Variants in PALM2AKAP2 observed in about 807,000 individuals in gnomAD.
PALM2AKAP2 encodes PALM2-AKAP2 fusion protein.
Under a neutral mutation model 71.5 loss-of-function variants are expected in PALM2AKAP2, and 37 were observed. The ratio of observed to expected loss-of-function variants is 0.52; its 90% CI spans 0.40 to 0.68. PALM2AKAP2 has a LOEUF of 0.68. Ranked by LOEUF, PALM2AKAP2 falls within the 30% of genes least tolerant of loss-of-function variation. The pLI is 0.00. For synonymous variants in PALM2AKAP2, 468 were observed against 478.8 expected (o/e 0.98, Z 0.29); for missense variants, 1,224 against 1,191.8 (o/e 1.03, Z -0.40).
intron 6 of PALM2AKAP2, among the ~76,000 whole-genome samples, chr9:109,958,959 G>A (rs1831799812): frequency 6.6e-6 from 1 of 152,230 alleles, no homozygotes; most frequent in Admixed American, 6.5e-5. Flanking sequence ...GAAAATAAGA[G>A]TCTGAATCTT....
chr9:110,142,459 G>A (rs1836058951), intron 2 of PALM2AKAP2, among the ~76,000 whole-genome samples: 1 of 152,156 alleles, frequency 6.6e-6, no homozygotes, highest in Non-Finnish European at 1.5e-5. Flanking sequence ...TTTATACAGA[G>A]GTGAATAAAA....
At chr9:110,043,492 A>G (rs1314278082) in intron 7 of PALM2AKAP2, among the ~76,000 whole-genome samples, 1 of 152,128 alleles carries the variant, frequency 6.6e-6, no homozygotes, top group African/African-American at 2.4e-5. Flanking sequence ...TTACCAATTT[A>G]TTATCAATCT....
chr9:110,089,075 A>C (rs1279182843), intron 1 of PALM2AKAP2, among the ~76,000 whole-genome samples: 1 of 152,136 alleles, frequency 6.6e-6, no homozygotes, highest in Non-Finnish European at 1.5e-5. Context: ...CCTCAGTCAC[A>C]CTGGCCACAT....
At chr9:109,760,994 G>A (rs535427356) in intron 1 of PALM2AKAP2, among the ~76,000 whole-genome samples, 1 of 152,062 alleles carries the variant, frequency 6.6e-6, no homozygotes, top group African/African-American at 2.4e-5. Flanking sequence ...ACCACCTTTT[G>A]GATTGTCTGT....
chr9:109,983,662 C>T (rs918087086), intron 6 of PALM2AKAP2, among the ~76,000 whole-genome samples: 1 of 151,914 alleles, frequency 6.6e-6, no homozygotes, highest in Non-Finnish European at 1.5e-5. Flanking sequence ...GCTAGGAGTT[C>T]GAGACCAGCC....
chr9:109,865,116 T>TTTTTTTTTTTTTA (rs1829415950), intron 1 of PALM2AKAP2, among the ~76,000 whole-genome samples: 1 of 138,988 alleles, frequency 7.2e-6, no homozygotes, highest in South Asian at 2.4e-4. Context: ...TTTTTTTTTT[T>TTTTTTTTTTTTTA]GAGACAGAGT....
intron 7 of PALM2AKAP2, among the ~76,000 whole-genome samples, chr9:110,030,470 G>A (rs1039295841): frequency 6.6e-6 from 1 of 152,192 alleles, no homozygotes; most frequent in African/African-American, 2.4e-5. Flanking sequence ...GTGCGTAGGG[G>A]AGAGACAGAA....
At chr9:109,906,926 T>C (rs1013777483) in intron 3 of PALM2AKAP2, among the ~76,000 whole-genome samples, 1 of 152,208 alleles carries the variant, frequency 6.6e-6, no homozygotes, top group African/African-American at 2.4e-5. Context: ...CCTGTCACTT[T>C]CTTTCCCTCA....
At chr9:109,740,369 T>C (rs1039779121) in intron 1 of PALM2AKAP2, among the ~76,000 whole-genome samples, 3 of 152,096 alleles carry the variant, frequency 2.0e-5, no homozygotes, top group African/African-American at 7.2e-5. Flanking sequence ...GAGTGTGGTG[T>C]GGATGGTGCT....
chr9:110,060,011 A>G (rs147367541), intron 1 of PALM2AKAP2, among the ~76,000 whole-genome samples: 58 of 152,368 alleles, frequency 3.8e-4, no homozygotes, highest in Admixed American at 1.0e-3. Flanking sequence ...GAAGAAAATC[A>G]GAGATCAGGG....
At chr9:109,914,858 TGTTCATAGG>T (rs1343118705) in intron 3 of PALM2AKAP2, among the ~76,000 whole-genome samples, 3 of 152,106 alleles carry the variant, frequency 2.0e-5, no homozygotes, top group Non-Finnish European at 2.9e-5. Context: ...TTTTCAGAAG[TGTTCATAGG>T]GTCCTGAGAA....
At chr9:109,666,171 C>T (rs141981740) in intron 1 of PALM2AKAP2, among the ~76,000 whole-genome samples, 6 of 152,332 alleles carry the variant, frequency 3.9e-5, no homozygotes, top group Admixed American at 2.0e-4. Flanking sequence ...TGCCCTGCTT[C>T]GGCTCACCCT....
At chr9:110,099,452 T>C (rs996954184) in intron 1 of PALM2AKAP2, among the ~76,000 whole-genome samples, 1 of 152,214 alleles carries the variant, frequency 6.6e-6, no homozygotes, top group East Asian at 1.9e-4. Flanking sequence ...GAGGTGTTTT[T>C]CTGGGCGGTC....
At chr9:110,148,552 T>G (rs1036084149) in intron 2 of PALM2AKAP2, 2 of 152,210 alleles carry the variant, frequency 1.3e-5, no homozygotes, top group African/African-American at 4.8e-5. Context: ...GGATGTTCCC[T>G]TGTACTGAGA....
At chr9:110,046,929 T>C (rs1833609961), upstream of PALM2AKAP2, among the ~76,000 whole-genome samples, 1 of 152,212 alleles carries the variant, frequency 6.6e-6, no homozygotes, top group Non-Finnish European at 1.5e-5. Context: ...AGAGAGTCTA[T>C]GGTCCATATA....
At chr9:109,734,625 A>G (rs1828602759) in intron 1 of PALM2AKAP2, among the ~76,000 whole-genome samples, 1 of 152,182 alleles carries the variant, frequency 6.6e-6, no homozygotes, top group Admixed American at 6.5e-5. Flanking sequence ...AGAGTGTATA[A>G]AGAGGCAGGA....
intron 1 of PALM2AKAP2, among the ~76,000 whole-genome samples, chr9:109,836,544 G>A (rs1473570741): frequency 6.6e-6 from 1 of 152,244 alleles, no homozygotes; most frequent in African/African-American, 2.4e-5. Flanking sequence ...ACTTTGATGA[G>A]TTGAGAGAAG....
chr9:110,004,935 A>AT (rs1832749748), intron 6 of PALM2AKAP2, among the ~76,000 whole-genome samples: 1 of 151,950 alleles, frequency 6.6e-6, no homozygotes, highest in African/African-American at 2.4e-5. Context: ...TTCATCTAAT[A>AT]TTTTTTCAAG....
At chr9:109,909,808 AGGCAGAGG>A (rs1054875287) in intron 3 of PALM2AKAP2, among the ~76,000 whole-genome samples, 91 of 152,304 alleles carry the variant, frequency 6.0e-4, no homozygotes, top group African/African-American at 2.0e-3. Flanking sequence ...AGGGCAATCC[AGGCAGAGG>A]GGTGGTATGA....
Sources: gnomAD v4.1 joint callset for allele counts (sites outside exome capture counted in the v4.1 genomes callset) on GRCh38, gnomAD v4.1.1 for gene constraint, MANE v1.5 for transcripts, NCBI Gene and HGNC (gene_info 2026-07-23, HGNC 2026-07-21) for gene names.